Variants in SPATA6L observed in about 807,000 individuals in gnomAD.
SPATA6L encodes the protein spermatogenesis associated 6-like protein.
SPATA6L carries 68 observed loss-of-function variants against 49.2 expected under a neutral mutation model. The ratio of observed to expected loss-of-function variants is 1.38; its 90% confidence interval spans 1.14 to 1.69. SPATA6L has a LOEUF of 1.69. SPATA6L is among the 40% of genes most tolerant of loss of function. The pLI is 0.00. For synonymous variants in SPATA6L, 198 were observed against 165.7 expected (o/e 1.19, Z -1.50); for missense variants, 668 against 464.3 (o/e 1.44, Z -4.03).
At chr9:4,605,515 A>G (rs1433768213) in intron 9 of SPATA6L, 75 bp from the exon 10 acceptor site, 1 of 961,016 alleles carries the variant, frequency 1.0e-6, no homozygotes, top group South Asian at 1.4e-5. Context: ...GACGGTATGG[A>G]TTGATATTTA....
chr9:4,609,760 A>G (rs1336101997), intron 9 of SPATA6L, among the ~76,000 whole-genome samples: 1 of 151,010 alleles, frequency 6.6e-6, no homozygotes, highest in African/African-American at 2.5e-5. Context: ...CTCTCTCACC[A>G]CTCCTATTCA....
rs1823009146 is a variant in SPATA6L at position 4,600,636 on chromosome 9, T to C, written c.*175A>G. 1 of 152,220 alleles carries C rather than the reference T, an allele frequency of 6.6e-6. No individual in the cohort carries two copies. Among genetic ancestry groups the C allele is most frequent in the Non-Finnish European group, 1.5e-5 (1 of 68,046 alleles). 9.4% of individuals were successfully genotyped at this position (152,220 alleles called of 1,614,324 possible). A position where few individuals can be genotyped will look rare whatever the true frequency, so the allele number is the denominator to read the frequency against. ...GTTAGCCCCCAAACAGCAAACACTT[T>C]AATCAACAACTCTTACCTGGGCACA... On this transcript the variant is annotated 3_prime_UTR_variant, in exon 12 of 12. Coordinates refer to ENST00000682582, the MANE Select transcript of SPATA6L (RefSeq NM_001353486.2).
In SPATA6L at chr9:4,656,080, T is replaced by C. The variant is rs368372669; in HGVS notation, c.187A>G (p.Ser63Gly). 5.6e-6 allele frequency: 9 copies of C among 1,612,708 alleles called. No individual in the cohort carries two copies. Among genetic ancestry groups the C allele is most frequent in the African/African-American group, 1.3e-5 (1 of 74,882 alleles). ...ESMRFEKVFE[S>G]AVDPGAVVDL... ...ACTACAGCTCCAGGATCTACTGCACTTTCAAATACCTGCAGAGAAAAATGG... is the reference window on the plus strand; with the variant it reads ...ACTACAGCTCCAGGATCTACTGCACCTTCAAATACCTGCAGAGAAAAATGG... The change falls in exon 3 of 12, where the codon AGT (serine) becomes GGT (glycine). Residue 63 changes from serine to glycine, a missense_variant. Transcript: ENST00000682582.
chr9:4,643,043 T>G (rs1170860577), intron 3 of SPATA6L, among the ~76,000 whole-genome samples: 1 of 152,224 alleles, frequency 6.6e-6, no homozygotes, highest in African/African-American at 2.4e-5. Flanking sequence ...AGTCTGGCTC[T>G]GTGGCCCAGG....
At chr9:4,596,208 C>T (rs1162647104), downstream of SPATA6L, among the ~76,000 whole-genome samples, 1 of 152,144 alleles carries the variant, frequency 6.6e-6, no homozygotes, top group African/African-American at 2.4e-5. Context: ...AGTGTGACCC[C>T]TCCCGACCCC....
intron 2 of SPATA6L, among the ~76,000 whole-genome samples, chr9:4,661,697 T>C (rs1839793340): frequency 6.6e-6 from 1 of 152,020 alleles, no homozygotes; most frequent in Non-Finnish European, 1.5e-5. Context: ...CCAGGGTATT[T>C]AGCACTAGAT....
chr9:4,638,414 CG>C (rs1025035141), intron 3 of SPATA6L, among the ~76,000 whole-genome samples: 5 of 152,096 alleles, frequency 3.3e-5, no homozygotes, highest in African/African-American at 1.2e-4. Context: ...GGTTTCACCA[CG>C]TTGGCCAGGC....
At chr9:4,638,706 C>T (rs1271469748) in intron 3 of SPATA6L, among the ~76,000 whole-genome samples, 1 of 152,096 alleles carries the variant, frequency 6.6e-6, no homozygotes, top group Non-Finnish European at 1.5e-5. Flanking sequence ...TGTCAATTTC[C>T]CCAGCTATCA....
chr9:4,635,182 C>G, intron 4 of SPATA6L, 93 bp downstream of exon 4: 1 of 1,367,572 alleles, frequency 7.3e-7, no homozygotes, highest in Non-Finnish European at 9.6e-7. Context: ...GGGGTACTAA[C>G]CAAGATAAAG....
intron 7 of SPATA6L, among the ~76,000 whole-genome samples, chr9:4,620,761 G>T (rs1323327084): frequency 1.3e-5 from 2 of 152,166 alleles, no homozygotes; most frequent in Non-Finnish European, 2.9e-5. Flanking sequence ...AAAGACAAAG[G>T]CCGAGACCAG....
chr9:4,663,399 CT>C, intron 1 of SPATA6L: 1 of 921,962 alleles, frequency 1.1e-6, no homozygotes, highest in Non-Finnish European at 1.7e-6. Flanking sequence ...GTCCCATGAT[CT>C]TGATGTGCTG....
At chr9:4,608,051 C>T (rs1825748867) in intron 9 of SPATA6L, among the ~76,000 whole-genome samples, 1 of 146,930 alleles carries the variant, frequency 6.8e-6, no homozygotes. Flanking sequence ...ACAAAGAAGG[C>T]CATTACATAA....
chr9:4,638,000 C>A (rs1165758822), intron 3 of SPATA6L, among the ~76,000 whole-genome samples: 2 of 152,190 alleles, frequency 1.3e-5, no homozygotes, highest in African/African-American at 4.8e-5. Flanking sequence ...TCATTGAGAA[C>A]CTCCTATGTA....
intron 4 of SPATA6L, chr9:4,633,700 C>T (rs966611088): frequency 5.2e-5 from 8 of 152,724 alleles, no homozygotes; most frequent in African/African-American, 1.9e-4. Flanking sequence ...AGAAAAATGC[C>T]AGGAATAGAT....
chr9:4,628,320 G>A (rs1382460672), intron 5 of SPATA6L: 2 of 163,550 alleles, frequency 1.2e-5, no homozygotes, highest in East Asian at 1.9e-4. Flanking sequence ...TTACCTTGAT[G>A]TGATTATTAC....
In SPATA6L at chr9:4,662,343, G is replaced by C. The variant is rs922160414; in HGVS notation, c.40-307C>G. 17 of 1,476,732 alleles carry C rather than the reference G, an allele frequency of 1.2e-5. 1 individual carries two copies. The Middle Eastern group carries it at 1.7e-3, about 148-fold the overall frequency. 91.5% of individuals were successfully genotyped at this position (1,476,732 alleles called of 1,614,324 possible). A position where few individuals can be genotyped will look rare whatever the true frequency, so the allele number is the denominator to read the frequency against. On this transcript the variant is annotated intron_variant, in intron 1 of 11. Coordinates refer to ENST00000682582, the MANE Select transcript of SPATA6L (RefSeq NM_001353486.2). This position sits in a 1 kb window ranked among gnomAD's most constrained non-coding sequence, Gnocchi z 4.9. ...GGGCCGGGAAGCCTCTGTTTGGTCCGGCCAGGTCCCGGGATCCGGGCCGCC... is the reference window on the plus strand; with the variant it reads ...GGGCCGGGAAGCCTCTGTTTGGTCCCGCCAGGTCCCGGGATCCGGGCCGCC...
intron 7 of SPATA6L, among the ~76,000 whole-genome samples, chr9:4,620,399 G>C (rs1314873333): frequency 6.6e-6 from 1 of 152,162 alleles, no homozygotes; most frequent in African/African-American, 2.4e-5. Flanking sequence ...TCAAAGTGCA[G>C]TCCATAGACC....
intron 9 of SPATA6L, among the ~76,000 whole-genome samples, chr9:4,609,734 A>T (rs1826205542): frequency 6.6e-6 from 1 of 151,422 alleles, no homozygotes; most frequent in African/African-American, 2.4e-5. Context: ...GAAAACTGGC[A>T]CAAGACAGGG....
At chr9:4,628,414 A>C (rs1261724265) in intron 5 of SPATA6L, 2 of 152,038 alleles carry the variant, frequency 1.3e-5, no homozygotes, top group Non-Finnish European at 2.9e-5. Flanking sequence ...TAAAATTTCT[A>C]AATTTTTATT....
Sources: allele counts gnomAD v4.1 joint callset (sites outside exome capture counted in the v4.1 genomes callset), GRCh38; gene constraint gnomAD v4.1.1; non-coding constraint Gnocchi (gnomAD v3.1); transcripts MANE v1.5; gene names NCBI Gene and HGNC (gene_info 2026-07-23, HGNC 2026-07-21).